CYFIP1: variants seen among roughly 807,000 people sequenced by gnomAD.
CYFIP1 encodes cytoplasmic FMR1 interacting protein 1, also known as cytoplasmic FMR1-interacting protein 1.
A neutral mutation model predicts 163.5 loss-of-function variants in CYFIP1; 58 were observed. The ratio of observed to expected loss-of-function variants is 0.35; its 90% CI spans 0.29 to 0.44. The LOEUF is 0.44. Ranked by LOEUF, CYFIP1 falls within the 20% of genes least tolerant of loss-of-function variation. The probability of loss-of-function intolerance (pLI) is 1.00; values close to 1 mark genes in which losing one functional copy is unlikely to be tolerated. For missense variants in CYFIP1, 1,338 were observed against 1,653.8 expected (o/e 0.81, Z 3.31); for synonymous variants, 663 against 660.7 (o/e 1.00, Z -0.05).
Position 22,914,747 on chromosome 15 carries a change from G to A in CYFIP1, c.1964C>T (p.Thr655Ile). The change falls in exon 17 of 31, where the codon ACC (threonine) becomes ATC (isoleucine). Residue 655 changes from threonine (T) to isoleucine (I), a missense_variant. By Grantham distance (89) the Thr-to-Ile change is moderately conservative. Around this residue, in one of 4 missense-constraint regions of CYFIP1, gnomAD observed 824 missense variants for 995.7 expected, o/e 0.83. Transcript: ENST00000617928. ...GCACTCCATCATCGATGCCTCCTTGGTCTCCAGGATGTGGTCCGTCAGGAT... is the reference window on the plus strand; with the variant it reads ...GCACTCCATCATCGATGCCTCCTTGATCTCCAGGATGTGGTCCGTCAGGAT... Reference protein sequence around the residue: ...PWILTDHILETKEASMMEYVL... With the variant: ...PWILTDHILEIKEASMMEYVL... 1 of 1,612,772 alleles carries A rather than the reference G, an allele frequency of 6.2e-7. No homozygotes were observed. The highest frequency in any genetic ancestry group is 8.5e-7 in the Non-Finnish European group (1 of 1,179,304).
At chr15:22,891,190 C>T (rs781097865) in intron 23 of CYFIP1, among the ~76,000 whole-genome samples, 20 of 152,226 alleles carry the variant, frequency 1.3e-4, no homozygotes, top group Non-Finnish European at 2.4e-4. Flanking sequence ...TTTGGGAGGC[C>T]GATGCGGGCA....
rs1364160684 is a variant in CYFIP1, at chr15:22,869,831, A to T, written c.*197T>A. The T allele has an allele frequency of 4.4e-6, 2 of 451,224 alleles. No individual in the cohort carries two copies. The highest frequency in any genetic ancestry group is 3.7e-6 in the Non-Finnish European group (1 of 269,072). 28.0% of individuals were successfully genotyped at this position (451,224 alleles called of 1,614,324 possible). ...CAACAATCAGCAGCCAATATTCTCA[A>T]GAGTTCCTAATTACCAAAAGCATAT... On this transcript the variant is annotated 3_prime_UTR_variant, in exon 31 of 31. Coordinates refer to ENST00000617928, the MANE Select transcript of CYFIP1 (RefSeq NM_014608.6).
intron 1 of CYFIP1, among the ~76,000 whole-genome samples, chr15:22,972,431 C>T (rs999346036): frequency 2.0e-5 from 3 of 151,964 alleles, no homozygotes; most frequent in African/African-American, 7.3e-5. Context: ...AGTGAGACTC[C>T]GTCTCAAAAA....
Position 22,925,993 on chromosome 15 carries a change from C to A in CYFIP1, c.1348G>T (p.Ala450Ser), listed in dbSNP as rs1222447732. The A allele has an allele frequency of 1.2e-6, 2 of 1,613,776 alleles. No homozygotes were observed. The highest frequency in any genetic ancestry group is 2.7e-5 in the African/African-American group (2 of 75,002). The change falls in exon 13 of 31, where the codon GCC (alanine) becomes TCC (serine). Residue 450 changes from alanine to serine, a missense_variant. Physicochemically the swap from Ala to Ser is moderately conservative, Grantham distance 99 (BLOSUM62 1). This residue lies in a region of CYFIP1 where 824 missense variants were observed against 995.7 expected (regional missense o/e 0.83). Coordinates refer to ENST00000617928, the MANE Select transcript of CYFIP1 (RefSeq NM_014608.6). ...CCGAGCATCCTCACCTCCACTAGGG[C>A]AAACTTCTCCTCGCTGGTGTAGTTG... Reference protein sequence around the residue: ...RYNYTSEEKFALVEVIAMIKG... With the variant: ...RYNYTSEEKFSLVEVIAMIKG...
At chr15:22,929,962 T>A (rs1454879509) in intron 11 of CYFIP1, among the ~76,000 whole-genome samples, 1 of 151,062 alleles carries the variant, frequency 6.6e-6, no homozygotes, top group African/African-American at 2.4e-5. Flanking sequence ...AAGACTAGAT[T>A]ATGACATAAT....
intron 1 of CYFIP1, among the ~76,000 whole-genome samples, chr15:22,949,582 T>C (rs1319806054): frequency 6.6e-6 from 1 of 152,004 alleles, no homozygotes; most frequent in Non-Finnish European, 1.5e-5. Flanking sequence ...AAAGCAAAAA[T>C]CAAAGTACTG....
chr15:22,974,549 GA>G (rs2063204381), intron 1 of CYFIP1, among the ~76,000 whole-genome samples: 1 of 139,542 alleles, frequency 7.2e-6, no homozygotes, highest in African/African-American at 2.6e-5. Context: ...CCAACACGGT[GA>G]AACCCCTTCC....
chr15:22,953,434 G>A (rs1445148997), intron 1 of CYFIP1, among the ~76,000 whole-genome samples: 1 of 152,190 alleles, frequency 6.6e-6, no homozygotes, highest in African/African-American at 2.4e-5. Context: ...CCAGCCGCCT[G>A]CACCCTGGGA....
chr15:22,936,973 G>A (rs140429036), intron 9 of CYFIP1, 131 bp downstream of exon 9: 24 of 658,814 alleles, frequency 3.6e-5, no homozygotes, highest in Middle Eastern at 7.8e-4. Context: ...ACGGGAGAAC[G>A]TGCATGCCCC....
chr15:22,893,695 G>A (rs1450702266), intron 22 of CYFIP1, among the ~76,000 whole-genome samples: 1 of 152,166 alleles, frequency 6.6e-6, no homozygotes. Context: ...GTGCTGCACA[G>A]AGGAGCAGCC....
At chr15:22,918,666 G>A (rs760897160) in intron 14 of CYFIP1, 26 bp downstream of exon 14, 132 of 1,538,380 alleles carry the variant, frequency 8.6e-5, no homozygotes, top group Non-Finnish European at 1.1e-4. Flanking sequence ...TGGGCACAGC[G>A]GGCACAGGGC....
Position 22,927,990 on chromosome 15 carries a change from C to A in CYFIP1, c.1149G>T (p.Thr383=). 6.3e-7 allele frequency: 1 copy of A among 1,593,972 alleles called. No individual in the cohort carries two copies. ...CGAAGAGCTTGCGGTACTCCGCGTC[C>A]GTCTTCTGGGCCTCCTGGCGGCCCG... ...TGSGRQEAQK[T]DAEYRKLFDL... is the part of the protein sequence containing the mutation. The change falls in exon 12 of 31, where the codon ACG becomes ACT. Residue 383 remains threonine, a synonymous_variant. Transcript: ENST00000617928.
intron 23 of CYFIP1, among the ~76,000 whole-genome samples, chr15:22,890,263 G>C (rs1241076096): frequency 4.1e-5 from 6 of 146,674 alleles, no homozygotes; most frequent in African/African-American, 1.3e-4. Context: ...AGTAAGCCGA[G>C]ATTGTGCCCT....
intron 21 of CYFIP1, among the ~76,000 whole-genome samples, chr15:22,907,092 A>G (rs530404101): frequency 1.3e-5 from 2 of 152,282 alleles, no homozygotes; most frequent in South Asian, 2.1e-4. Context: ...ACCAGCTTAC[A>G]TGCTATTCCC....
At chr15:22,937,596 C>CTTTTTTTT (rs919893437) in intron 8 of CYFIP1, among the ~76,000 whole-genome samples, 1 of 143,834 alleles carries the variant, frequency 7.0e-6, no homozygotes. Context: ...ACTAAAAATT[C>CTTTTTTTT]TTTTTTTGTT....
At chr15:22,965,037 TG>T (rs2062856865) in intron 1 of CYFIP1, among the ~76,000 whole-genome samples, 4 of 20,876 alleles carry the variant, frequency 1.9e-4, no homozygotes, top group East Asian at 5.7e-4. Flanking sequence ...AGTATTCCAT[TG>T]TGTGTGTGTG....
At position 22,910,728 on chromosome 15, in the gene CYFIP1, G is replaced by A; in HGVS notation, c.2159+9C>T. 6.2e-7 allele frequency: 1 copy of A among 1,612,068 alleles called. No homozygotes were observed. The highest frequency in any genetic ancestry group is 2.2e-5 in the East Asian group (1 of 44,848). On this transcript the variant is annotated intron_variant, in intron 19 of 30. Transcript: ENST00000617928. ...CGTTTTGTATCAAAATCACACACCA[G>A]ATACTCACCTTCCTGCCATAACCTT...
At chr15:22,927,142 G>C (rs1233353464) in intron 12 of CYFIP1, among the ~76,000 whole-genome samples, 1 of 152,074 alleles carries the variant, frequency 6.6e-6, no homozygotes, top group Non-Finnish European at 1.5e-5. Context: ...TTTGAGACCA[G>C]CCTGGCCCAC....
At chr15:22,979,368 C>T (rs959777556) in intron 1 of CYFIP1, among the ~76,000 whole-genome samples, 1 of 152,140 alleles carries the variant, frequency 6.6e-6, no homozygotes, top group Non-Finnish European at 1.5e-5. Context: ...ACCGCGGCTC[C>T]GACCACGCCT....
Sources: gnomAD v4.1 joint callset for allele counts (sites outside exome capture counted in the v4.1 genomes callset) on GRCh38, gnomAD v4.1.1 for gene constraint, gnomAD v4.1.1 regional missense constraint, MANE v1.5 for transcripts, NCBI Gene and HGNC (gene_info 2026-07-23, HGNC 2026-07-21) for gene names.